The following SRGAP3 variants were observed in gnomAD, a reference collection of about 807,000 sequenced individuals.
SRGAP3 encodes SLIT-ROBO Rho GTPase-activating protein 3.
Under a neutral mutation model 121.1 loss-of-function variants are expected in SRGAP3, and 39 were observed. That is an observed-to-expected ratio of 0.32 (90% CI 0.25 to 0.42). SRGAP3 has a LOEUF of 0.42. SRGAP3 is among the 10% of genes least tolerant of loss of function. The pLI is 1.00. For synonymous variants in SRGAP3, 601 were observed against 570.0 expected (o/e 1.05, Z -0.77); for missense variants, 1,213 against 1,470.6 (o/e 0.82, Z 2.86).
chr3:9,243,480 C>G (rs970301112), intron 1 of SRGAP3, among the ~76,000 whole-genome samples: 1 of 151,926 alleles, frequency 6.6e-6, no homozygotes, highest in Admixed American at 6.6e-5. Flanking sequence ...ACTGAAAATA[C>G]AAAAATTAGC....
intron 1 of SRGAP3, among the ~76,000 whole-genome samples, chr3:9,129,074 A>C (rs1949345288): frequency 6.6e-6 from 1 of 152,176 alleles, no homozygotes; most frequent in Admixed American, 6.5e-5. Flanking sequence ...TAAAATTGCT[A>C]TGTTAGTTTC....
intron 4 of SRGAP3, among the ~76,000 whole-genome samples, chr3:9,075,250 GA>G (rs1946906178): frequency 6.6e-6 from 1 of 152,162 alleles, no homozygotes; most frequent in Non-Finnish European, 1.5e-5. Context: ...GAGTTCGAGG[GA>G]AAAGAAGTGG....
chr3:9,357,199 C>G (rs1056498575), intron 1 of SRGAP3, among the ~76,000 whole-genome samples: 1 of 151,888 alleles, frequency 6.6e-6, no homozygotes, highest in Admixed American at 6.6e-5. Context: ...GAGCTGAGAT[C>G]GCACCACTGC....
At chr3:9,247,250 G>A (rs1953857637) in intron 1 of SRGAP3, among the ~76,000 whole-genome samples, 2 of 152,094 alleles carry the variant, frequency 1.3e-5, no homozygotes, top group African/African-American at 4.8e-5. Context: ...TGAGCAGTTG[G>A]GTGAATTAAA....
intron 8 of SRGAP3, among the ~76,000 whole-genome samples, chr3:9,054,725 G>T (rs1945736378): frequency 6.6e-6 from 1 of 152,188 alleles, no homozygotes; most frequent in South Asian, 2.1e-4. Flanking sequence ...AGTATTATTT[G>T]TCTTTTCTCA....
At chr3:9,049,544 G>C in intron 9 of SRGAP3, 1 of 455,222 alleles carries the variant, frequency 2.2e-6, no homozygotes, top group Non-Finnish European at 4.4e-6. Flanking sequence ...GAGCATTTCT[G>C]AGCCTCCCTG....
At chr3:9,151,300 A>G (rs1950199759) in intron 1 of SRGAP3, among the ~76,000 whole-genome samples, 1 of 152,170 alleles carries the variant, frequency 6.6e-6, no homozygotes, top group Non-Finnish European at 1.5e-5. Flanking sequence ...GGAGGTGGGG[A>G]GCCCAGAACT....
chr3:9,107,049 G>C (rs891494784), intron 2 of SRGAP3, among the ~76,000 whole-genome samples: 2 of 152,214 alleles, frequency 1.3e-5, no homozygotes, highest in African/African-American at 4.8e-5. Context: ...AGAAATTTGT[G>C]AGAAGATAAT....
chr3:9,319,179 A>G (rs1267970916), intron 3 of SRGAP3, among the ~76,000 whole-genome samples: 1 of 151,960 alleles, frequency 6.6e-6, no homozygotes, highest in Non-Finnish European at 1.5e-5. Flanking sequence ...TTTTACAAAT[A>G]AGAAAACAGG....
At chr3:9,128,876 G>T (rs1387700445) in intron 1 of SRGAP3, among the ~76,000 whole-genome samples, 1 of 152,178 alleles carries the variant, frequency 6.6e-6, no homozygotes, top group African/African-American at 2.4e-5. Flanking sequence ...TGGTGATAGA[G>T]GTCGGAAAAG....
intron 1 of SRGAP3, among the ~76,000 whole-genome samples, chr3:9,139,883 G>A (rs1199016086): frequency 4.6e-5 from 7 of 152,204 alleles, no homozygotes; most frequent in African/African-American, 1.4e-4. Context: ...AGCAAGATTT[G>A]CATGATCTAG....
intron 1 of SRGAP3, among the ~76,000 whole-genome samples, chr3:9,357,290 G>A (rs1346378726): frequency 6.6e-6 from 1 of 152,026 alleles, no homozygotes; most frequent in Non-Finnish European, 1.5e-5. Context: ...ATCTCACTAT[G>A]CTTTCTGTCT....
intron 1 of SRGAP3, among the ~76,000 whole-genome samples, chr3:9,174,481 G>A (rs1951102759): frequency 6.6e-6 from 1 of 152,192 alleles, no homozygotes; most frequent in Non-Finnish European, 1.5e-5. Context: ...GAGTAGGGAA[G>A]GAGAGCAGGA....
chr3:9,123,769 T>C lies in SRGAP3; in HGVS notation c.260+956A>G, dbSNP rs146648671. ...GTGTGTGTGTGTATGTGTGTATATA[T>C]GTATGTGTGTGTATACACAGAGAGA... On this transcript the variant is annotated intron_variant, in intron 2 of 21. Coordinates refer to ENST00000383836, the MANE Select transcript of SRGAP3 (RefSeq NM_014850.4). 3.7e-3 allele frequency among the ~76,000 whole-genome samples: 552 copies of C among 149,892 alleles called. 4 individuals are homozygous for C. The highest frequency in any genetic ancestry group is 0.013 in the African/African-American group (528 of 39,810).
intron 3 of SRGAP3, among the ~76,000 whole-genome samples, chr3:9,304,156 T>C (rs1955117377): frequency 1.3e-5 from 2 of 152,156 alleles, no homozygotes; most frequent in African/African-American, 2.4e-5. Context: ...AACTTCCCCT[T>C]CAGCACCTGA....
chr3:9,221,886 T>C lies in SRGAP3; in HGVS notation c.67+26999A>G, dbSNP rs137913033. 5.7e-3 allele frequency among the ~76,000 whole-genome samples: 873 copies of C among 152,346 alleles called. 11 individuals are homozygous for C. The highest frequency in any genetic ancestry group is 0.019 in the African/African-American group (801 of 41,574). ...GTGACATTGTCATTACTACTATGTA[T>C]TGGTTTTATTTCCCAACTCATTTAT... On this transcript the variant is annotated intron_variant, in intron 1 of 21. Transcript: ENST00000383836.
intron 1 of SRGAP3, among the ~76,000 whole-genome samples, chr3:9,197,941 CTCTT>C (rs1471511455): frequency 6.6e-6 from 1 of 152,222 alleles, no homozygotes. Flanking sequence ...TAGGTAGAAT[CTCTT>C]TCTTAAAAAT....
intron 3 of SRGAP3, among the ~76,000 whole-genome samples, chr3:9,313,793 G>A (rs911079499): frequency 6.6e-6 from 1 of 152,138 alleles, no homozygotes; most frequent in African/African-American, 2.4e-5. Context: ...TCAGGAGTTC[G>A]AGACCAGCCT....
chr3:8,989,449 T>C (rs983912782), intron 21 of SRGAP3, among the ~76,000 whole-genome samples: 63 of 152,360 alleles, frequency 4.1e-4, no homozygotes, highest in African/African-American at 1.5e-3. Context: ...CTGGGAACCC[T>C]GCCTGGCCTC....
Sources: allele counts gnomAD v4.1 joint callset (sites outside exome capture counted in the v4.1 genomes callset), GRCh38; gene constraint gnomAD v4.1.1; transcripts MANE v1.5; gene names NCBI Gene and HGNC (gene_info 2026-07-23, HGNC 2026-07-21).